Variants in CNTNAP2 observed in about 807,000 individuals in gnomAD.
CNTNAP2 encodes contactin associated protein 2, also known as contactin-associated protein-like 2.
Under a neutral mutation model 155.2 loss-of-function variants are expected in CNTNAP2, and 98 were observed. That is an observed-to-expected ratio of 0.63 (90% CI 0.54 to 0.75). The LOEUF (loss-of-function observed/expected upper bound fraction) is 0.75, where lower values mean the gene tolerates loss of function less well. Ranked by LOEUF, CNTNAP2 falls within the 30% of genes least tolerant of loss-of-function variation. The pLI is 0.00. For missense variants in CNTNAP2, 1,727 were observed against 1,688.1 expected (o/e 1.02, Z -0.40); for synonymous variants, 651 against 631.2 (o/e 1.03, Z -0.47).
At chr7:147,224,492 T>A (rs148426392) in intron 8 of CNTNAP2, among the ~76,000 whole-genome samples, 298 of 152,352 alleles carry the variant, frequency 2.0e-3, no homozygotes, top group Non-Finnish European at 3.7e-3. Context: ...GTGGGCTATG[T>A]GTGCTACCGT....
intron 13 of CNTNAP2, among the ~76,000 whole-genome samples, chr7:147,660,924 G>A (rs140673242): frequency 1.3e-4 from 20 of 152,232 alleles, no homozygotes; most frequent in Admixed American, 7.9e-4. Context: ...TGAAATCACA[G>A]CATACTCTTC....
chr7:148,042,217 T>C (rs535024570), intron 15 of CNTNAP2, among the ~76,000 whole-genome samples: 1 of 152,382 alleles, frequency 6.6e-6, no homozygotes, highest in East Asian at 1.9e-4. Flanking sequence ...TCAGTCAAGT[T>C]CAGTAGCATT....
chr7:146,967,563 T>C (rs1466185396), intron 3 of CNTNAP2, among the ~76,000 whole-genome samples: 1 of 152,200 alleles, frequency 6.6e-6, no homozygotes, highest in Admixed American at 6.5e-5. Context: ...TTTATTCTCT[T>C]TGAAGCAATT....
At chr7:147,258,826 C>G (rs1274849053) in intron 8 of CNTNAP2, among the ~76,000 whole-genome samples, 1 of 152,140 alleles carries the variant, frequency 6.6e-6, no homozygotes, top group Non-Finnish European at 1.5e-5. Context: ...TTCAATAATT[C>G]CAGTGAAAAA....
chr7:147,903,420 T>C lies in CNTNAP2; in HGVS notation c.2099-145T>C, dbSNP rs543214829. On this transcript the variant is annotated intron_variant, in intron 13 of 23. Coordinates refer to ENST00000361727, the MANE Select transcript of CNTNAP2 (RefSeq NM_014141.6). ...TGAAGATTTTCTCCCACTCTGTGGGTTGTCTGTTTGAAATAAATTGACTTT... is the reference window on the plus strand; with the variant it reads ...TGAAGATTTTCTCCCACTCTGTGGGCTGTCTGTTTGAAATAAATTGACTTT... The C allele has an allele frequency of 2.1e-5, 18 of 848,834 alleles. No individual in the cohort carries two copies. The African/African-American group carries it at 2.7e-4, about 13-fold the overall frequency. The allele number at this position is 848,834 out of a possible 1,614,324, so 52.6% of individuals were successfully genotyped here. A position where few individuals can be genotyped will look rare whatever the true frequency, so the allele number is the denominator to read the frequency against.
chr7:148,385,741 T>TG (rs1799177748), intron 22 of CNTNAP2, among the ~76,000 whole-genome samples: 5 of 59,704 alleles, frequency 8.4e-5, no homozygotes, highest in East Asian at 4.7e-4. Flanking sequence ...GACAGGTTTT[T>TG]TTTTTTTTTT....
chr7:148,165,126 C>G (rs1389441774), intron 17 of CNTNAP2, among the ~76,000 whole-genome samples: 1 of 152,128 alleles, frequency 6.6e-6, no homozygotes. Context: ...TCTCACAGTT[C>G]TAAAAGCTGG....
At chr7:147,934,973 C>CT (rs947732103) in intron 14 of CNTNAP2, among the ~76,000 whole-genome samples, 1 of 152,042 alleles carries the variant, frequency 6.6e-6, no homozygotes, top group African/African-American at 2.4e-5. Context: ...AGTACAGAGA[C>CT]TTTTTGAATA....
At chr7:146,747,009 G>T (rs1282461834) in intron 1 of CNTNAP2, among the ~76,000 whole-genome samples, 1 of 151,990 alleles carries the variant, frequency 6.6e-6, no homozygotes, top group Admixed American at 6.6e-5. Context: ...CTCTTGATAC[G>T]GAGTCCCTGA....
At chr7:147,016,557 G>T (rs939522652) in intron 3 of CNTNAP2, among the ~76,000 whole-genome samples, 1 of 151,988 alleles carries the variant, frequency 6.6e-6, no homozygotes, top group Non-Finnish European at 1.5e-5. Flanking sequence ...TGAGTGAGTT[G>T]CAAACTCTTG....
At chr7:147,054,950 A>G (rs1799531717) in intron 4 of CNTNAP2, among the ~76,000 whole-genome samples, 1 of 152,296 alleles carries the variant, frequency 6.6e-6, no homozygotes, top group Non-Finnish European at 1.5e-5. Flanking sequence ...TGCTCAAAAT[A>G]CTGTCATATT....
At position 147,928,137 on chromosome 7, in the gene CNTNAP2, T is replaced by G. The variant is rs1045350418; in HGVS notation, c.2255+24416T>G. ...CTATCTTGCCTGCCACCATGTAAGA[T>G]GTGCCTTTCACCTTCCACCGTGATT... is the stretch of plus-strand genomic sequence containing the variant. On this transcript the variant is annotated intron_variant, in intron 14 of 23. Coordinates refer to ENST00000361727, the MANE Select transcript of CNTNAP2 (RefSeq NM_014141.6). Among the ~76,000 whole-genome samples the G allele has an allele frequency of 7.2e-5, 11 of 152,198 alleles. No homozygotes were observed. In the South Asian group the frequency reaches 1.0e-3, roughly 14 times the overall value.
chr7:147,710,457 T>G (rs1401817904), intron 13 of CNTNAP2, among the ~76,000 whole-genome samples: 1 of 152,182 alleles, frequency 6.6e-6, no homozygotes, highest in Non-Finnish European at 1.5e-5. Context: ...AATCCTTTCT[T>G]TTTTGCCTTC....
At chr7:148,329,731 C>G (rs1023245709) in intron 21 of CNTNAP2, among the ~76,000 whole-genome samples, 1 of 152,244 alleles carries the variant, frequency 6.6e-6, no homozygotes, top group Non-Finnish European at 1.5e-5. Flanking sequence ...TTCTCCCTCA[C>G]AGATCTGAAC....
chr7:146,933,825 A>G (rs1402975108), intron 3 of CNTNAP2, among the ~76,000 whole-genome samples: 1 of 152,214 alleles, frequency 6.6e-6, no homozygotes, highest in African/African-American at 2.4e-5. Flanking sequence ...ATGCAGCCAA[A>G]AAGCACATGA....
At chr7:147,113,818 T>C (rs1445411928) in intron 5 of CNTNAP2, among the ~76,000 whole-genome samples, 1 of 152,188 alleles carries the variant, frequency 6.6e-6, no homozygotes, top group Non-Finnish European at 1.5e-5. Context: ...TCCACTTCAG[T>C]TTAGCTCTGA....
chr7:147,611,156 C>T (rs554901061), intron 12 of CNTNAP2, among the ~76,000 whole-genome samples: 17 of 152,132 alleles, frequency 1.1e-4, no homozygotes, highest in African/African-American at 4.1e-4. Context: ...TAACAGGGAG[C>T]GTTCTCTTTA....
intron 2 of CNTNAP2, among the ~76,000 whole-genome samples, chr7:146,802,068 G>T (rs1011900015): frequency 6.6e-6 from 1 of 152,116 alleles, no homozygotes; most frequent in Non-Finnish European, 1.5e-5. Flanking sequence ...TCTGTTGCTG[G>T]ATAAAAAATT....
rs376582593 is a variant in CNTNAP2 at position 148,147,472 on chromosome 7, A to G, written c.2555-19A>G. 21 of 1,611,324 alleles carry G rather than the reference A, an allele frequency of 1.3e-5. No individual in the cohort carries two copies. The highest frequency in any genetic ancestry group is 1.6e-5 in the Non-Finnish European group (19 of 1,177,624). ...TGGGAGAAAAATACTCATGTTTTTC[A>G]TGCTTTCTGCTCCTCCAGCTGCCAC... is the stretch of plus-strand genomic sequence containing the variant. On this transcript the variant is annotated intron_variant, in intron 16 of 23. Coordinates refer to ENST00000361727, the MANE Select transcript of CNTNAP2 (RefSeq NM_014141.6).
Sources: allele counts gnomAD v4.1 joint callset (sites outside exome capture counted in the v4.1 genomes callset), GRCh38; gene constraint gnomAD v4.1.1; transcripts MANE v1.5; gene names NCBI Gene and HGNC (gene_info 2026-07-23, HGNC 2026-07-21).